The following GRM7 variants were observed in gnomAD, a reference collection of about 807,000 sequenced individuals.
GRM7 encodes metabotropic glutamate receptor 7.
Under a neutral mutation model 84.5 loss-of-function variants are expected in GRM7, and 35 were observed. The ratio of observed to expected loss-of-function variants is 0.41; its 90% CI spans 0.32 to 0.55. The LOEUF is 0.55. GRM7 is among the 20% of genes least tolerant of loss of function. GRM7 has a pLI of 0.19. For synonymous variants in GRM7, 487 were observed against 455.1 expected, an observed-to-expected ratio of 1.07 and a Z score of -0.89; for missense variants, 1,003 against 1,194.6, an observed-to-expected ratio of 0.84 and a Z score of 2.36.
chr3:7,350,281 T>C (rs1006755342), intron 4 of GRM7, among the ~76,000 whole-genome samples: 2 of 152,088 alleles, frequency 1.3e-5, no homozygotes, highest in African/African-American at 4.8e-5. Flanking sequence ...TCATGATCAA[T>C]TGTAATGCCT....
At chr3:7,377,034 T>G (rs2125124725) in intron 4 of GRM7, among the ~76,000 whole-genome samples, 1 of 152,274 alleles carries the variant, frequency 6.6e-6, no homozygotes, top group African/African-American at 2.4e-5. Flanking sequence ...TAGACCCAAA[T>G]ACACTTTAGA....
chr3:7,345,410 G>C (rs974853500), intron 4 of GRM7, among the ~76,000 whole-genome samples: 3 of 151,876 alleles, frequency 2.0e-5, no homozygotes, highest in Non-Finnish European at 4.4e-5. Context: ...CCAAATGGTA[G>C]CTGGGATTAC....
At chr3:7,703,168 A>G (rs1429753623) in intron 9 of GRM7, among the ~76,000 whole-genome samples, 1 of 152,154 alleles carries the variant, frequency 6.6e-6, no homozygotes, top group African/African-American at 2.4e-5. Context: ...GCTGCAATGT[A>G]GCATTGCTCT....
intron 7 of GRM7, among the ~76,000 whole-genome samples, chr3:7,474,266 T>C (rs372708282): frequency 2.0e-5 from 3 of 152,274 alleles, no homozygotes; most frequent in East Asian, 3.9e-4. Context: ...AGTGTTCATG[T>C]CCTAAGTAGG....
At chr3:7,680,523 G>A in intron 9 of GRM7, 2 of 530,974 alleles carry the variant, frequency 3.8e-6, no homozygotes, top group Non-Finnish European at 6.8e-6. Flanking sequence ...CTTCAGAAGT[G>A]TGAAGCCTCC....
chr3:7,329,181 T>C (rs1343739893), intron 4 of GRM7, among the ~76,000 whole-genome samples: 1 of 152,064 alleles, frequency 6.6e-6, no homozygotes, highest in Non-Finnish European at 1.5e-5. Context: ...TAGAGGAACA[T>C]TCCGATGACA....
At chr3:7,401,980 G>A (rs1480931330) in intron 4 of GRM7, among the ~76,000 whole-genome samples, 9 of 152,078 alleles carry the variant, frequency 5.9e-5, no homozygotes, top group African/African-American at 2.2e-4. Flanking sequence ...AATATATCAA[G>A]GCCTTAGAAA....
In GRM7 at chr3:7,680,307, T is replaced by A. The variant is rs1479792947; in HGVS notation, c.2698+12T>A. 1 of 1,612,810 alleles carries A rather than the reference T, an allele frequency of 6.2e-7. No homozygotes were observed. Among genetic ancestry groups the A allele is most frequent in the African/African-American group, 1.3e-5 (1 of 74,878 alleles). On this transcript the variant is annotated intron_variant, in intron 9 of 9. Coordinates refer to ENST00000357716, the MANE Select transcript of GRM7 (RefSeq NM_000844.4). ...CGTAGACCCAAACAGTAAGTAACTC[T>A]CCGTTTCTTTCATCTTCCCACCCTG...
intron 1 of GRM7, among the ~76,000 whole-genome samples, chr3:7,100,543 A>G (rs1266963426): frequency 6.6e-6 from 1 of 151,874 alleles, no homozygotes; most frequent in African/African-American, 2.4e-5. Context: ...TAATGAGTGT[A>G]CTGTGGAATA....
intron 2 of GRM7, among the ~76,000 whole-genome samples, chr3:7,272,923 T>G (rs1037980350): frequency 6.6e-6 from 1 of 152,060 alleles, no homozygotes; most frequent in African/African-American, 2.4e-5. Flanking sequence ...TCTAGTTTCC[T>G]AGGATAAAAT....
chr3:7,401,654 A>T, intron 4 of GRM7, among the ~76,000 whole-genome samples: 1 of 152,206 alleles, frequency 6.6e-6, no homozygotes, highest in East Asian at 1.9e-4. Flanking sequence ...ACTGAATATC[A>T]CTGCCTCCAA....
At chr3:7,097,170 A>G (rs1306557530) in intron 1 of GRM7, among the ~76,000 whole-genome samples, 1 of 152,096 alleles carries the variant, frequency 6.6e-6, no homozygotes, top group Non-Finnish European at 1.5e-5. Flanking sequence ...GCAGATGGAG[A>G]GTGGTAGACT....
intron 8 of GRM7, among the ~76,000 whole-genome samples, chr3:7,638,976 C>G (rs1320344237): frequency 6.6e-6 from 1 of 152,182 alleles, no homozygotes; most frequent in African/African-American, 2.4e-5. Context: ...CCCAGGTTTT[C>G]CTCTAATTTG....
In GRM7 at chr3:7,468,431, C is replaced by T. The variant is rs1698550456; in HGVS notation, c.1515+6709C>T. On this transcript the variant is annotated intron_variant, in intron 7 of 9. Coordinates refer to ENST00000357716, the MANE Select transcript of GRM7 (RefSeq NM_000844.4). ...CTACCATTACTAGCTGTAAAGCAGG[C>T]TTATGGTAGTACCTATTTCACTGAG... is the stretch of plus-strand genomic sequence containing the variant. Among the ~76,000 whole-genome samples, 4 of 152,020 alleles carry T rather than the reference C, an allele frequency of 2.6e-5. 1 individual carries two copies. The South Asian group carries it at 8.3e-4, about 32-fold the overall frequency.
At chr3:7,665,057 G>C (rs1025432452) in intron 8 of GRM7, among the ~76,000 whole-genome samples, 5 of 151,998 alleles carry the variant, frequency 3.3e-5, no homozygotes, top group African/African-American at 1.2e-4. Flanking sequence ...GGGTGTGTTT[G>C]CACTATTGGT....
chr3:7,012,449 C>T (rs555728931), intron 1 of GRM7, among the ~76,000 whole-genome samples: 1 of 152,118 alleles, frequency 6.6e-6, no homozygotes, highest in South Asian at 2.1e-4. Flanking sequence ...GATGGGGCTC[C>T]GGAAACACTA....
rs139571456 is a variant in GRM7, at chr3:7,452,904, G to T, written c.1375+97G>T. ...TATTATTATTTACTTTAAAATATGTGTCAAAACTTGCTTGATTATAAAACT... is the reference window on the plus strand; with the variant it reads ...TATTATTATTTACTTTAAAATATGTTTCAAAACTTGCTTGATTATAAAACT... On this transcript the variant is annotated intron_variant, in intron 6 of 9. Coordinates refer to ENST00000357716, the MANE Select transcript of GRM7 (RefSeq NM_000844.4). 5.0e-4 allele frequency: 365 copies of T among 735,392 alleles called. 2 individuals carry two copies. Among genetic ancestry groups the T allele is most frequent in the African/African-American group, 4.5e-3 (256 of 56,504 alleles). The allele number at this position is 735,392 out of a possible 1,614,324, so 45.6% of individuals were successfully genotyped here.
At chr3:7,326,296 G>T (rs559735740) in intron 4 of GRM7, among the ~76,000 whole-genome samples, 3 of 152,120 alleles carry the variant, frequency 2.0e-5, no homozygotes, top group African/African-American at 7.2e-5. Context: ...CTTCTTCAGT[G>T]TTGGGCTAAT....
At chr3:7,586,097 G>A (rs773138800) in intron 8 of GRM7, among the ~76,000 whole-genome samples, 11 of 152,190 alleles carry the variant, frequency 7.2e-5, no homozygotes, top group Non-Finnish European at 1.3e-4. Context: ...TCTTCACCAT[G>A]GGTCTAATTA....
Sources: allele counts gnomAD v4.1 joint callset (sites outside exome capture counted in the v4.1 genomes callset), GRCh38; gene constraint gnomAD v4.1.1; transcripts MANE v1.5; gene names NCBI Gene and HGNC (gene_info 2026-07-23, HGNC 2026-07-21).